The following TEP1 variants were observed in gnomAD, a reference collection of about 807,000 sequenced individuals.
TEP1 encodes telomerase protein component 1.
A neutral mutation model predicts 306.3 loss-of-function variants in TEP1; 241 were observed. The ratio of observed to expected loss-of-function variants is 0.79; its 90% confidence interval spans 0.71 to 0.88. The LOEUF (loss-of-function observed/expected upper bound fraction) is 0.88. Ranked by LOEUF, TEP1 falls within the 40% of genes least tolerant of loss-of-function variation. The pLI is 0.00. For missense variants in TEP1, 3,051 were observed against 3,276.1 expected, an observed-to-expected ratio of 0.93 and a Z score of 1.68; for synonymous variants, 1,289 against 1,305.5, an observed-to-expected ratio of 0.99 and a Z score of 0.27.
chr14:20,373,946 G>A (rs1304522284), intron 44 of TEP1, 136 bp from the exon 45 acceptor site: 1 of 1,216,964 alleles, frequency 8.2e-7, no homozygotes, highest in Non-Finnish European at 1.1e-6. Context: ...GAACAGTGGG[G>A]TTGGGTGGCT....
chr14:20,371,171 G>A (rs1410913777), intron 51 of TEP1, 47 bp downstream of exon 51: 13 of 1,540,020 alleles, frequency 8.4e-6, no homozygotes, highest in Non-Finnish European at 1.2e-5. Context: ...TAAAAACACT[G>A]GTCCTAGACG....
At chr14:20,370,062 C>T (rs555131745) in intron 51 of TEP1, among the ~76,000 whole-genome samples, 5 of 152,202 alleles carry the variant, frequency 3.3e-5, no homozygotes, top group Non-Finnish European at 5.9e-5. Flanking sequence ...CACCGGCGTG[C>T]GCCACCACAC....
chr14:20,397,042 A>G (rs1878265867), intron 9 of TEP1, among the ~76,000 whole-genome samples: 1 of 152,226 alleles, frequency 6.6e-6, no homozygotes, highest in South Asian at 2.1e-4. Context: ...AGGCTTGGAA[A>G]GATTAAAAAC....
chr14:20,381,241 ACG>A lies in TEP1; in HGVS notation c.4647+70_4647+71del, dbSNP rs981894030. On this transcript the variant is annotated intron_variant, in intron 32 of 54. Transcript: ENST00000262715. This position sits in a 1 kb window ranked among gnomAD's most constrained non-coding sequence, Gnocchi z 4.0. ...GGCGGCGGTGATGGTGGAGATGGTA[ACG>A]GGGAGAGGGGTCTCAGAGCAACCAA... The A allele has an allele frequency of 4.7e-5, 70 of 1,478,210 alleles. No individual in the cohort carries two copies. In the African/African-American group the frequency reaches 7.1e-4, roughly 15 times the overall value. The allele number at this position is 1,478,210 out of a possible 1,614,324, so 91.6% of individuals were successfully genotyped here.
chr14:20,389,133 G>A (rs368100935), intron 17 of TEP1, 105 bp downstream of exon 17: 92 of 1,043,630 alleles, frequency 8.8e-5, no homozygotes, highest in Admixed American at 3.6e-4. Context: ...GAGCGACAGA[G>A]TGAGATTCTG....
In TEP1 at chr14:20,407,893, T is replaced by A; in HGVS notation, c.547A>T (p.Thr183Ser). The A allele has an allele frequency of 6.3e-7, 1 of 1,599,546 alleles. No homozygotes were observed. Among genetic ancestry groups the A allele is most frequent in the Non-Finnish European group, 8.5e-7 (1 of 1,171,704 alleles). Residue 183 changes from threonine (T) to serine (S), a missense_variant, in exon 2 of 55, where the codon ACA becomes TCA. Thr to Ser is a moderately conservative substitution (Grantham distance 58). This residue lies in a region of TEP1 where 1,507 missense variants were observed against 1,550.5 expected (regional missense o/e 0.97). Transcript: ENST00000262715. Reference sequence around the variant, plus strand: ...ATTACCAAAGTTGCTTCCTGAGCTGTCTCTGTGGCAGAGATGGATTTCAGG... The same window carrying A: ...ATTACCAAAGTTGCTTCCTGAGCTGACTCTGTGGCAGAGATGGATTTCAGG... Reference protein sequence around the residue: ...IALKSISATETAQEATLGRWF... With the variant: ...IALKSISATESAQEATLGRWF...
Position 20,390,690 on chromosome 14 carries a change from T to G in TEP1, c.2325A>C (p.Gln775His), listed in dbSNP as rs147608083. The G allele has an allele frequency of 1.2e-6, 2 of 1,614,132 alleles. No homozygotes were observed. Among genetic ancestry groups the G allele is most frequent in the African/African-American group, 1.3e-5 (1 of 75,034 alleles). ...FGKYLLSLAG[Q>H]RVPVDRVILL... is the part of the protein sequence containing the mutation. Reference sequence around the variant, plus strand: ...AGGGATTAATACTCACAGGAACCCTTTGGCCAGCCAGAGACAGCAGGTATT... The same window carrying G: ...AGGGATTAATACTCACAGGAACCCTGTGGCCAGCCAGAGACAGCAGGTATT... The change falls in exon 15 of 55, where the codon CAA (glutamine) becomes CAC (histidine). Residue 775 changes from glutamine to histidine, a missense_variant. Transcript: ENST00000262715.
At chr14:20,391,821 G>C in intron 12 of TEP1, 54 bp from the exon 13 acceptor site, 1 of 1,586,800 alleles carries the variant, frequency 6.3e-7, no homozygotes, top group Non-Finnish European at 8.6e-7. Flanking sequence ...CTGCCCCTTA[G>C]AGGCAGACGG....
chr14:20,374,162 C>T (rs1885033581), intron 44 of TEP1, among the ~76,000 whole-genome samples: 1 of 151,638 alleles, frequency 6.6e-6, no homozygotes. Flanking sequence ...TTGATCATAG[C>T]TCACTGTAGC....
chr14:20,372,884 G>A (rs757759281), intron 48 of TEP1, 27 bp from the exon 49 acceptor site: 45 of 1,613,964 alleles, frequency 2.8e-5, no homozygotes, highest in Non-Finnish European at 3.8e-5. Context: ...GTTCAATTCA[G>A]TGCTTCTGAT....
chr14:20,369,823 C>A (rs1316101286), intron 51 of TEP1, 44 bp from the exon 52 acceptor site: 3 of 1,475,998 alleles, frequency 2.0e-6, no homozygotes, highest in Non-Finnish European at 2.8e-6. Flanking sequence ...CCATATGAGT[C>A]AACTTGTACC....
intron 12 of TEP1, among the ~76,000 whole-genome samples, 186 bp downstream of exon 12, chr14:20,395,264 T>C (rs1205114662): frequency 1.3e-5 from 2 of 152,232 alleles, no homozygotes; most frequent in East Asian, 3.8e-4. Flanking sequence ...CTTTGTTTCA[T>C]GATCTCTCTT....
intron 35 of TEP1, among the ~76,000 whole-genome samples, 181 bp downstream of exon 35, chr14:20,379,749 G>C (rs1436904570): frequency 6.6e-6 from 1 of 152,234 alleles, no homozygotes; most frequent in Non-Finnish European, 1.5e-5. Flanking sequence ...TAAATGGAAG[G>C]TGTGCAGCAA....
At chr14:20,378,353 C>G in intron 38 of TEP1, 27 bp downstream of exon 38, 1 of 1,613,728 alleles carries the variant, frequency 6.2e-7, no homozygotes, top group East Asian at 2.2e-5. Flanking sequence ...CTGTGCTTCC[C>G]CCAAGAGCAA....
intron 47 of TEP1, 30 bp from the exon 48 acceptor site, chr14:20,373,177 AGCTGGGATACT>A (rs778859947): frequency 2.9e-5 from 47 of 1,613,846 alleles, no homozygotes; most frequent in Non-Finnish European, 3.6e-5. Flanking sequence ...TTTCATTAGG[AGCTGGGATACT>A]GCTGGGATAA....
At chr14:20,368,751 T>C (rs374314555) in intron 54 of TEP1, 47 bp downstream of exon 54, 741 of 1,448,942 alleles carry the variant, frequency 5.1e-4, no homozygotes, top group Non-Finnish European at 5.7e-4. Flanking sequence ...TTGGGATAGG[T>C]GTGCAGGCGC....
In TEP1 at chr14:20,367,438, A is replaced by G. The variant is rs1410700590; in HGVS notation, c.*999T>C. 1.3e-5 allele frequency: 2 copies of G among 152,032 alleles called. No individual in the cohort carries two copies. The highest frequency in any genetic ancestry group is 2.9e-5 in the Non-Finnish European group (2 of 68,006). 9.4% of individuals were successfully genotyped at this position (152,032 alleles called of 1,614,324 possible). A position where few individuals can be genotyped will look rare whatever the true frequency, so the allele number is the denominator to read the frequency against. On this transcript the variant is annotated 3_prime_UTR_variant, in exon 55 of 55. Transcript: ENST00000262715. Reference sequence around the variant, plus strand: ...ATGGCTATGATTGTGCCACCTCTCAATTAGTTTTAATCTTTGTGAATTTCA... The same window carrying G: ...ATGGCTATGATTGTGCCACCTCTCAGTTAGTTTTAATCTTTGTGAATTTCA...
Position 20,387,918 on chromosome 14 carries a change from CA to C in TEP1, c.2670del (p.Val891PhefsTer28). The stretch of plus-strand genomic sequence containing the variant: ...ACACAGACTGACCCTTGCTGGGAAA[CA>C]GGAGCCAAGGGGCTTGGAGTGTCCT... ...LEEDTPSPLA[P>X]VSQQGWRSIR... On this transcript the variant is annotated frameshift_variant, in exon 18 of 55. Coordinates refer to ENST00000262715, the MANE Select transcript of TEP1 (RefSeq NM_007110.5). LOFTEE classifies it high-confidence loss of function. The C allele has an allele frequency of 6.2e-7, 1 of 1,605,070 alleles. No individual in the cohort carries two copies. Among genetic ancestry groups the C allele is most frequent in the Non-Finnish European group, 8.5e-7 (1 of 1,177,248 alleles).
At position 20,372,376 on chromosome 14, in the gene TEP1, GTGTA is replaced by G. The variant is rs1223659188; in HGVS notation, c.7076+353_7076+356del. ...GCCCCAGGAATATGTGTGTGTGTGT[GTGTA>G]TGTGTGTGTGTGTGTGTGTGTGTGT... is the stretch of plus-strand genomic sequence containing the variant. On this transcript the variant is annotated intron_variant, in intron 49 of 54. Transcript: ENST00000262715. 7.2e-3 allele frequency among the ~76,000 whole-genome samples: 624 copies of G among 86,504 alleles called. 5 individuals are homozygous for G. The highest frequency in any genetic ancestry group is 0.023 in the African/African-American group (562 of 24,840). 56.7% of individuals were successfully genotyped at this position (86,504 alleles called of 152,430 possible). A position where few individuals can be genotyped will look rare whatever the true frequency, so the allele number is the denominator to read the frequency against.
Sources: gnomAD v4.1 joint callset for allele counts (sites outside exome capture counted in the v4.1 genomes callset) on GRCh38, gnomAD v4.1.1 for gene constraint, gnomAD v4.1.1 regional missense constraint, Gnocchi (gnomAD v3.1) non-coding constraint, MANE v1.5 for transcripts, NCBI Gene and HGNC (gene_info 2026-07-23, HGNC 2026-07-21) for gene names.